Variants in ADGRB3 observed in about 807,000 individuals in gnomAD.
ADGRB3 encodes the protein brain-specific angiogenesis inhibitor 3.
ADGRB3 carries 37 observed loss-of-function variants against 193.4 expected under a neutral mutation model. That is an observed-to-expected ratio of 0.19 (90% CI 0.15 to 0.25). The LOEUF is 0.25. Among genes scored for constraint, ADGRB3 ranks in the 10% least tolerant of loss-of-function variants. The probability of loss-of-function intolerance (pLI) is 1.00; values close to 1 mark genes in which losing one functional copy is unlikely to be tolerated. For synonymous variants in ADGRB3, 690 were observed against 644.2 expected, an observed-to-expected ratio of 1.07 and a Z score of -1.08; for missense variants, 1,637 against 1,852.9, an observed-to-expected ratio of 0.88 and a Z score of 2.14.
At chr6:69,326,238 A>G (rs935917855) in intron 21 of ADGRB3, among the ~76,000 whole-genome samples, 12 of 152,180 alleles carry the variant, frequency 7.9e-5, no homozygotes, top group African/African-American at 2.9e-4. Flanking sequence ...GTAAGACCCT[A>G]TCTCACACCA....
intron 3 of ADGRB3, among the ~76,000 whole-genome samples, chr6:68,753,905 A>C (rs1051925530): frequency 2.0e-5 from 3 of 152,128 alleles, no homozygotes; most frequent in Non-Finnish European, 4.4e-5. Flanking sequence ...GCACAAAGTC[A>C]TTTTAAAATG....
intron 3 of ADGRB3, among the ~76,000 whole-genome samples, chr6:68,833,330 T>C (rs1185942689): frequency 2.0e-5 from 3 of 151,700 alleles, no homozygotes; most frequent in African/African-American, 7.2e-5. Flanking sequence ...AAAAATTATG[T>C]GACTAGGAGA....
At chr6:68,837,870 T>G (rs1768074989) in intron 3 of ADGRB3, among the ~76,000 whole-genome samples, 1 of 152,168 alleles carries the variant, frequency 6.6e-6, no homozygotes, top group Admixed American at 6.5e-5. Flanking sequence ...TTAGCCAGGT[T>G]TAAAATATAT....
chr6:69,274,788 C>T (rs1767264736), intron 20 of ADGRB3, among the ~76,000 whole-genome samples: 1 of 151,982 alleles, frequency 6.6e-6, no homozygotes, highest in African/African-American at 2.4e-5. Flanking sequence ...TGCTTAAAGG[C>T]CTTCTTACCT....
intron 8 of ADGRB3, among the ~76,000 whole-genome samples, chr6:68,964,140 T>C (rs372937565): frequency 6.6e-6 from 1 of 152,204 alleles, no homozygotes; most frequent in Non-Finnish European, 1.5e-5. Context: ...TTCTATCACA[T>C]ATATGATTTT....
chr6:68,664,151 C>T (rs756075884), intron 3 of ADGRB3, among the ~76,000 whole-genome samples: 41 of 151,752 alleles, frequency 2.7e-4, no homozygotes, highest in Non-Finnish European at 4.4e-4. Flanking sequence ...ATTTTTAGAA[C>T]GTAATAAATA....
At chr6:69,366,133 T>C (rs558648989) in intron 29 of ADGRB3, among the ~76,000 whole-genome samples, 27 of 152,244 alleles carry the variant, frequency 1.8e-4, no homozygotes, top group African/African-American at 6.3e-4. Flanking sequence ...TTTTTCTCTT[T>C]TACATTTTTT....
chr6:69,007,842 A>C (rs1318764516), intron 11 of ADGRB3, among the ~76,000 whole-genome samples: 3 of 152,106 alleles, frequency 2.0e-5, no homozygotes, highest in Admixed American at 6.6e-5. Context: ...GTAACGAATA[A>C]AAATATATTT....
chr6:68,783,592 G>A (rs1197439989), intron 3 of ADGRB3, among the ~76,000 whole-genome samples: 1 of 151,708 alleles, frequency 6.6e-6, no homozygotes, highest in Non-Finnish European at 1.5e-5. Context: ...CTATCTAGCT[G>A]AAGGTAATTC....
chr6:68,803,047 A>G (rs1767341358), intron 3 of ADGRB3, among the ~76,000 whole-genome samples: 1 of 152,054 alleles, frequency 6.6e-6, no homozygotes, highest in Non-Finnish European at 1.5e-5. Flanking sequence ...ATATTATACT[A>G]TATACCATAT....
chr6:68,670,966 T>A (rs983227584), intron 3 of ADGRB3, among the ~76,000 whole-genome samples: 1 of 151,936 alleles, frequency 6.6e-6, no homozygotes, highest in African/African-American at 2.4e-5. Flanking sequence ...TTTATGGAGA[T>A]CTTTCACTTC....
At chr6:69,355,343 A>G (rs542358936) in intron 27 of ADGRB3, among the ~76,000 whole-genome samples, 1 of 152,348 alleles carries the variant, frequency 6.6e-6, no homozygotes, top group East Asian at 1.9e-4. Flanking sequence ...AAAATGAATC[A>G]TTAGAAGAGC....
intron 15 of ADGRB3, among the ~76,000 whole-genome samples, chr6:69,060,635 A>G (rs148674096): frequency 8.3e-4 from 127 of 152,204 alleles, no homozygotes; most frequent in African/African-American, 3.0e-3. Context: ...GGTAACTAGG[A>G]TTATAAAGAG....
chr6:68,678,483 A>G (rs556283612), intron 3 of ADGRB3, among the ~76,000 whole-genome samples: 27 of 152,286 alleles, frequency 1.8e-4, no homozygotes, highest in African/African-American at 6.5e-4. Flanking sequence ...TTCAGCCCCT[A>G]TAAACTGTTG....
At chr6:68,670,292 T>G (rs184691109) in intron 3 of ADGRB3, among the ~76,000 whole-genome samples, 44 of 151,980 alleles carry the variant, frequency 2.9e-4, no homozygotes, top group Non-Finnish European at 5.4e-4. Flanking sequence ...CCCATTTATT[T>G]TGCCTTGGTT....
At chr6:69,052,618 G>C (rs541964783) in intron 15 of ADGRB3, among the ~76,000 whole-genome samples, 1 of 152,288 alleles carries the variant, frequency 6.6e-6, no homozygotes, top group South Asian at 2.1e-4. Flanking sequence ...ATATAGTTTA[G>C]AAATTGTCCT....
At chr6:68,644,028 A>C (rs962960052) in intron 3 of ADGRB3, among the ~76,000 whole-genome samples, 5 of 151,764 alleles carry the variant, frequency 3.3e-5, no homozygotes, top group African/African-American at 1.2e-4. Context: ...CAAAAAAAAA[A>C]CCCTGAGGCT....
At chr6:69,233,267 T>A (rs963734365) in intron 17 of ADGRB3, 23 bp from the exon 18 acceptor site, 1 of 1,610,278 alleles carries the variant, frequency 6.2e-7, no homozygotes, top group South Asian at 1.1e-5. Flanking sequence ...CCCGATTTCC[T>A]CCCCCCTCAC....
chr6:68,722,827 A>T (rs1322057911), intron 3 of ADGRB3, among the ~76,000 whole-genome samples: 1 of 151,594 alleles, frequency 6.6e-6, no homozygotes, highest in African/African-American at 2.4e-5. Context: ...TTTTGTCTAT[A>T]TTTAATTATT....
Sources: gnomAD v4.1 joint callset for allele counts (sites outside exome capture counted in the v4.1 genomes callset) on GRCh38, gnomAD v4.1.1 for gene constraint, MANE v1.5 for transcripts, NCBI Gene and HGNC (gene_info 2026-07-23, HGNC 2026-07-21) for gene names.